METTL25: variants seen among roughly 807,000 people sequenced by gnomAD.
The protein encoded by METTL25 is methyltransferase like 25.
In METTL25, 64 loss-of-function variants were observed where a neutral mutation model predicts 71.6. The ratio of observed to expected loss-of-function variants is 0.89; its 90% CI spans 0.73 to 1.10. The LOEUF is 1.10. Among genes scored for constraint, METTL25 ranks in the 50% least tolerant of loss-of-function variants. The pLI, the probability that METTL25 is intolerant of heterozygous loss-of-function variation, is 0.00. For missense variants in METTL25, 807 were observed against 707.0 expected (o/e 1.14, Z -1.60); for synonymous variants, 287 against 250.3 (o/e 1.15, Z -1.38).
At position 82,430,768 on chromosome 12, in the gene METTL25, A is replaced by G. The variant is rs542119504; in HGVS notation, c.1280-125A>G. ...CTGGAAGGAACTGTTAAACATCACC[A>G]TTTCCATGTTTAACTACTGTTTTTA... On this transcript the variant is annotated intron_variant, in intron 5 of 11. Coordinates refer to ENST00000248306, the MANE Select transcript of METTL25 (RefSeq NM_032230.3). The G allele has an allele frequency of 9.2e-6, 5 of 543,854 alleles. No homozygotes were observed. In the East Asian group the frequency reaches 1.2e-4, roughly 13 times the overall value. 33.7% of individuals were successfully genotyped at this position (543,854 alleles called of 1,614,324 possible). A position where few individuals can be genotyped will look rare whatever the true frequency, so the allele number is the denominator to read the frequency against.
At chr12:82,380,180 T>C (rs867490009) in intron 1 of METTL25, among the ~76,000 whole-genome samples, 25 of 152,186 alleles carry the variant, frequency 1.6e-4, no homozygotes, top group African/African-American at 5.8e-4. Context: ...TTCCATGTGT[T>C]CTCATCATTT....
chr12:82,470,272 C>T (rs1892494274), intron 9 of METTL25, among the ~76,000 whole-genome samples: 1 of 152,122 alleles, frequency 6.6e-6, no homozygotes, highest in Non-Finnish European at 1.5e-5. Context: ...GTTTTTATTT[C>T]ATCCATGGAA....
chr12:82,471,438 G>A (rs1892562652), intron 9 of METTL25, among the ~76,000 whole-genome samples: 1 of 152,172 alleles, frequency 6.6e-6, no homozygotes, highest in Non-Finnish European at 1.5e-5. Context: ...TGGGAATATG[G>A]TTGGCTTTGT....
chr12:82,401,240 A>C (rs895113156), intron 4 of METTL25, among the ~76,000 whole-genome samples: 1 of 152,094 alleles, frequency 6.6e-6, no homozygotes, highest in Non-Finnish European at 1.5e-5. Context: ...ACATTTTAGT[A>C]AAATAATTTT....
At chr12:82,392,174 A>T (rs1327575625) in intron 3 of METTL25, among the ~76,000 whole-genome samples, 1 of 150,628 alleles carries the variant, frequency 6.6e-6, no homozygotes, top group Non-Finnish European at 1.5e-5. Flanking sequence ...TTACATATGT[A>T]TACATGTGCC....
At chr12:82,425,117 A>G (rs977198666) in intron 5 of METTL25, among the ~76,000 whole-genome samples, 1 of 152,052 alleles carries the variant, frequency 6.6e-6, no homozygotes, top group Non-Finnish European at 1.5e-5. Context: ...GGGGAAGAGT[A>G]TAGGTAGTGC....
Position 82,399,174 on chromosome 12 carries a change from A to C in METTL25, c.911A>C (p.Glu304Ala). The C allele has an allele frequency of 1.2e-6, 2 of 1,613,412 alleles. No homozygotes were observed. The highest frequency in any genetic ancestry group is 1.7e-6 in the Non-Finnish European group (2 of 1,179,776). The part of the protein sequence containing the change: ...ETLHSQPHQE[E>A]NLCFENSFSL... ...CTTCATTCTCAGCCACATCAAGAAG[A>C]AAATTTGTGTTTTGAAAATTCCTTT... The change falls in exon 4 of 12, where the codon GAA (glutamate) becomes GCA (alanine). Residue 304 changes from glutamate to alanine, a missense_variant. Coordinates refer to ENST00000248306, the MANE Select transcript of METTL25 (RefSeq NM_032230.3).
At chr12:82,399,418 A>T (rs2137007032) in intron 4 of METTL25, 24 bp downstream of exon 4, 1 of 1,503,728 alleles carries the variant, frequency 6.7e-7, no homozygotes, top group East Asian at 2.3e-5. Context: ...TGAATTATTT[A>T]ATTTGATTTA....
intron 3 of METTL25, among the ~76,000 whole-genome samples, chr12:82,394,097 A>G (rs376197698): frequency 7.9e-5 from 12 of 151,410 alleles, no homozygotes; most frequent in African/African-American, 2.9e-4. Flanking sequence ...AATTTTGGGG[A>G]TTTATTTTGT....
intron 9 of METTL25, among the ~76,000 whole-genome samples, chr12:82,462,482 C>T (rs1477800467): frequency 2.0e-5 from 3 of 152,010 alleles, no homozygotes; most frequent in African/African-American, 7.2e-5. Flanking sequence ...CTGATCCTGG[C>T]TTATTTCACT....
intron 8 of METTL25, among the ~76,000 whole-genome samples, chr12:82,455,579 A>C (rs1891432133): frequency 6.6e-6 from 1 of 151,984 alleles, no homozygotes; most frequent in African/African-American, 2.4e-5. Flanking sequence ...CTTCAGTTCA[A>C]CTAAGATGTA....
chr12:82,371,553 G>C (rs1231509876), intron 1 of METTL25, among the ~76,000 whole-genome samples: 2 of 152,176 alleles, frequency 1.3e-5, no homozygotes, highest in Non-Finnish European at 1.5e-5. Context: ...GACTAAGGCT[G>C]TGTCCTTTGT....
intron 8 of METTL25, among the ~76,000 whole-genome samples, chr12:82,441,999 A>T (rs1415638980): frequency 2.0e-5 from 3 of 151,998 alleles, no homozygotes; most frequent in Admixed American, 1.3e-4. Context: ...CTGCGATAAA[A>T]ATTAACGCAA....
At position 82,478,779 on chromosome 12, in the gene METTL25, G is replaced by A. The variant is rs1043562912; in HGVS notation, c.1720-153G>A. Among the ~76,000 whole-genome samples, 6 of 151,794 alleles carry A rather than the reference G, an allele frequency of 4.0e-5. 1 individual carries two copies. The highest frequency in any genetic ancestry group is 1.5e-5 in the Non-Finnish European group (1 of 67,786). On this transcript the variant is annotated intron_variant, in intron 11 of 11. Coordinates refer to ENST00000248306, the MANE Select transcript of METTL25 (RefSeq NM_032230.3). The stretch of plus-strand genomic sequence containing the variant: ...CATAAACTTTTTTGAAGGTGTAATT[G>A]TGAATGTTAATTTTGTTTAACAAAG...
At chr12:82,474,098 C>G (rs1356940706) in intron 9 of METTL25, among the ~76,000 whole-genome samples, 1 of 152,152 alleles carries the variant, frequency 6.6e-6, no homozygotes, top group African/African-American at 2.4e-5. Context: ...GTGAGGGTTC[C>G]TGGAAGCCCT....
At position 82,386,883 on chromosome 12, in the gene METTL25, T is replaced by G; in HGVS notation, c.340T>G (p.Tyr114Asp). The G allele has an allele frequency of 6.2e-7, 1 of 1,613,504 alleles. No homozygotes were observed. Among genetic ancestry groups the G allele is most frequent in the Middle Eastern group, 1.7e-4 (1 of 6,054 alleles). Residue 114 changes from tyrosine (Y) to aspartate (D), a missense_variant, in exon 2 of 12, where the codon TAC becomes GAC. Transcript: ENST00000248306. ...GGAAGCCTTTGCTCTGGCTGCGAAA[T>G]ACTATTCTGTACAAAACTTGGGAAT... Reference protein sequence around the residue: ...SVEAFALAAKYYSVQNLGICT... With the variant: ...SVEAFALAAKDYSVQNLGICT...
intron 3 of METTL25, among the ~76,000 whole-genome samples, chr12:82,395,795 C>T (rs901229936): frequency 2.6e-5 from 4 of 152,086 alleles, no homozygotes; most frequent in South Asian, 2.1e-4. Context: ...CCAGCAGGGA[C>T]GTCTATTGTG....
intron 2 of METTL25, among the ~76,000 whole-genome samples, chr12:82,388,271 G>T (rs944281424): frequency 1.3e-5 from 2 of 151,858 alleles, no homozygotes; most frequent in Non-Finnish European, 2.9e-5. Context: ...CATTGTAAAA[G>T]GACCCTTTTA....
At position 82,387,428 on chromosome 12, in the gene METTL25, C is replaced by T. The variant is rs140255132; in HGVS notation, c.424+461C>T. 1.4e-4 allele frequency among the ~76,000 whole-genome samples: 21 copies of T among 151,828 alleles called. No individual in the cohort carries two copies. In the East Asian group the frequency reaches 3.9e-3, roughly 28 times the overall value. ...ATAATGTGGTAGATTAAAACTCAGC[C>T]ATATCTATAATAATATTCAATGTAA... On this transcript the variant is annotated intron_variant, in intron 2 of 11. Coordinates refer to ENST00000248306, the MANE Select transcript of METTL25 (RefSeq NM_032230.3).
Sources: allele counts gnomAD v4.1 joint callset (sites outside exome capture counted in the v4.1 genomes callset), GRCh38; gene constraint gnomAD v4.1.1; transcripts MANE v1.5; gene names NCBI Gene and HGNC (gene_info 2026-07-23, HGNC 2026-07-21).